FAT4: variants seen among roughly 807,000 people sequenced by gnomAD.
The protein encoded by FAT4 is protocadherin Fat 4.
Under a neutral mutation model 303.9 loss-of-function variants are expected in FAT4, and 84 were observed. The observed-to-expected ratio is 0.28, with a 90% confidence interval of 0.23 to 0.33. The LOEUF is 0.33. FAT4 is among the 10% of genes least tolerant of loss of function. FAT4 has a pLI of 1.00. For missense variants in FAT4, 6,005 were observed against 6,146.8 expected (o/e 0.98, Z 0.77); for synonymous variants, 2,307 against 2,298.8 (o/e 1.00, Z -0.10).
chr4:125,491,784 A>C lies in FAT4; in HGVS notation c.*16A>C, dbSNP rs1200640036. ...GTATGTGTGAAGTTTATGTACTGGC[A>C]CTATAAAATATAAAAACAAGAAATA... On this transcript the variant is annotated 3_prime_UTR_variant, in exon 18 of 18. Coordinates refer to ENST00000394329, the MANE Select transcript of FAT4 (RefSeq NM_001291303.3). 2 of 1,568,270 alleles carry C rather than the reference A, an allele frequency of 1.3e-6. No homozygotes were observed. Among genetic ancestry groups the C allele is most frequent in the South Asian group, 2.4e-5 (2 of 83,082 alleles).
intron 2 of FAT4, among the ~76,000 whole-genome samples, chr4:125,387,133 C>T (rs1733784034): frequency 6.6e-6 from 1 of 152,198 alleles, no homozygotes; most frequent in South Asian, 2.1e-4. Flanking sequence ...GGCCGGGTTC[C>T]TAACAGGCCA....
chr4:125,375,930 A>G (rs142119276), intron 2 of FAT4, among the ~76,000 whole-genome samples: 17 of 152,288 alleles, frequency 1.1e-4, no homozygotes, highest in African/African-American at 3.4e-4. Context: ...ACACCATTTT[A>G]TATATGAAGT....
intron 2 of FAT4, among the ~76,000 whole-genome samples, chr4:125,381,185 C>T (rs1483781864): frequency 6.6e-6 from 1 of 152,108 alleles, no homozygotes; most frequent in Non-Finnish European, 1.5e-5. Context: ...GTTAGTCAGT[C>T]TCTTGGTATG....
At chr4:125,484,206 A>G (rs1332637090) in intron 16 of FAT4, among the ~76,000 whole-genome samples, 1 of 152,028 alleles carries the variant, frequency 6.6e-6, no homozygotes. Flanking sequence ...GTGGGCAGCA[A>G]TAGTGATGAG....
At chr4:125,337,617 G>A (rs745646355) in intron 2 of FAT4, among the ~76,000 whole-genome samples, 3 of 151,932 alleles carry the variant, frequency 2.0e-5, no homozygotes, top group Non-Finnish European at 2.9e-5. Flanking sequence ...GTAAGATGGA[G>A]CCAATACTGT....
intron 2 of FAT4, among the ~76,000 whole-genome samples, chr4:125,328,653 A>G (rs1731255617): frequency 6.6e-6 from 1 of 152,298 alleles, no homozygotes; most frequent in African/African-American, 2.4e-5. Context: ...ACATATATAA[A>G]TCGTTTATGT....
chr4:125,446,313 A>T lies in FAT4; in HGVS notation c.7220A>T (p.Asn2407Ile), dbSNP rs772517298. ...AVISYRIIGG[N>I]SQFTINPSTG... ...TTTAGTTATAGGATCATCGGTGGAA[A>T]CTCTCAGTTCACGATCAACCCATCG... Residue 2407 changes from asparagine (N) to isoleucine (I), a missense_variant, in exon 9 of 18, where the codon AAC (asparagine) becomes ATC (isoleucine). Coordinates refer to ENST00000394329, the MANE Select transcript of FAT4 (RefSeq NM_001291303.3). 3.1e-6 allele frequency: 5 copies of T among 1,612,714 alleles called. No homozygotes were observed. Among genetic ancestry groups the T allele is most frequent in the Non-Finnish European group, 3.4e-6 (4 of 1,179,118 alleles).
At chr4:125,419,031 CTT>C in intron 7 of FAT4, among the ~76,000 whole-genome samples, 1 of 152,222 alleles carries the variant, frequency 6.6e-6, no homozygotes, top group South Asian at 2.1e-4. Context: ...AATACATAGA[CTT>C]TATAGTTAAA....
At chr4:125,466,776 TC>T (rs1726676832) in intron 11 of FAT4, among the ~76,000 whole-genome samples, 1 of 146,056 alleles carries the variant, frequency 6.8e-6, no homozygotes, top group Admixed American at 7.1e-5. Context: ...ATGTATAATT[TC>T]TTTTTTTTTT....
rs1730889782 is a variant in FAT4 at position 125,320,461 on chromosome 4, A to G, written c.4050A>G (p.Leu1350=). 6.2e-7 allele frequency: 1 copy of G among 1,614,094 alleles called. No individual in the cohort carries two copies. Among genetic ancestry groups the G allele is most frequent in the South Asian group, 1.1e-5 (1 of 91,082 alleles). Reference sequence around the variant, plus strand: ...CCGATTCAGGTGACAATGCTGATTTATATTACAGTATTACTGGGACTAACA... The same window carrying G: ...CCGATTCAGGTGACAATGCTGATTTGTATTACAGTATTACTGGGACTAACA... The part of the protein sequence containing the change: ...TDSDSGDNAD[L]YYSITGTNNH... The change falls in exon 2 of 18, where the codon TTA becomes TTG. Residue 1350 remains leucine (L), a synonymous_variant. Transcript: ENST00000394329.
At chr4:125,416,726 A>G in intron 7 of FAT4, 104 bp downstream of exon 7, 19 of 1,160,626 alleles carry the variant, frequency 1.6e-5, no homozygotes, top group Non-Finnish European at 1.6e-5. Flanking sequence ...TGGATGGATT[A>G]CTTGAGGTCG....
intron 4 of FAT4, among the ~76,000 whole-genome samples, chr4:125,407,637 T>C (rs1734669152): frequency 6.6e-6 from 1 of 152,162 alleles, no homozygotes; most frequent in Admixed American, 6.5e-5. Flanking sequence ...ATTTAGAAAG[T>C]ACATTGAGTT....
chr4:125,371,305 A>G (rs1176105853), intron 2 of FAT4, among the ~76,000 whole-genome samples: 1 of 151,858 alleles, frequency 6.6e-6, no homozygotes, highest in Non-Finnish European at 1.5e-5. Context: ...AATTATACAA[A>G]TAATATTAAA....
At chr4:125,445,198 T>A (rs1725787396) in intron 8 of FAT4, among the ~76,000 whole-genome samples, 1 of 152,162 alleles carries the variant, frequency 6.6e-6, no homozygotes, top group Non-Finnish European at 1.5e-5. Flanking sequence ...TGCTATCATT[T>A]TATAAGACTT....
intron 10 of FAT4, among the ~76,000 whole-genome samples, chr4:125,454,979 C>T (rs778856154): frequency 2.6e-5 from 4 of 151,912 alleles, no homozygotes; most frequent in East Asian, 1.9e-4. Context: ...ACCTGTGTAG[C>T]GGAAGTTAAC....
chr4:125,364,470 G>GAGAAAGA (rs1560780131), intron 2 of FAT4, among the ~76,000 whole-genome samples: 1 of 151,434 alleles, frequency 6.6e-6, no homozygotes, highest in Non-Finnish European at 1.5e-5. Context: ...ATATGATAAG[G>GAGAAAGA]AGAAAGAATA....
intron 10 of FAT4, among the ~76,000 whole-genome samples, chr4:125,462,013 C>T (rs148436813): frequency 6.6e-6 from 1 of 151,964 alleles, no homozygotes; most frequent in Admixed American, 6.6e-5. Flanking sequence ...TGTTTATTTT[C>T]ATGCCCTTGC....
chr4:125,334,025 GA>G (rs1257460923), intron 2 of FAT4, among the ~76,000 whole-genome samples: 1 of 151,898 alleles, frequency 6.6e-6, no homozygotes, highest in African/African-American at 2.4e-5. Flanking sequence ...ATGATAAACT[GA>G]AACAATAGGG....
chr4:125,329,876 AC>A (rs1391914109), intron 2 of FAT4, among the ~76,000 whole-genome samples: 6 of 151,818 alleles, frequency 4.0e-5, no homozygotes, highest in African/African-American at 1.5e-4. Context: ...TTTCTTTCTC[AC>A]CCTACTTACA....
Sources: gnomAD v4.1 joint callset for allele counts (sites outside exome capture counted in the v4.1 genomes callset) on GRCh38, gnomAD v4.1.1 for gene constraint, MANE v1.5 for transcripts, NCBI Gene and HGNC (gene_info 2026-07-23, HGNC 2026-07-21) for gene names.